DNAJC21: variants seen among roughly 807,000 people sequenced by gnomAD.
The protein encoded by DNAJC21 is DnaJ heat shock protein family (Hsp40) member C21, also known as dnaJ homolog subfamily C member 21.
A neutral mutation model predicts 72.4 loss-of-function variants in DNAJC21; 63 were observed. The observed-to-expected ratio is 0.87, with a 90% CI of 0.71 to 1.07. The LOEUF (loss-of-function observed/expected upper bound fraction) is 1.07. Among genes scored for constraint, DNAJC21 ranks in the 50% least tolerant of loss-of-function variants. The pLI, the probability that DNAJC21 is intolerant of heterozygous loss-of-function variation, is 0.00. For synonymous variants in DNAJC21, 203 were observed against 216.7 expected (o/e 0.94, Z 0.56); for missense variants, 634 against 644.8 (o/e 0.98, Z 0.18).
At chr5:34,934,139 T>C (rs1160892954) in intron 2 of DNAJC21, among the ~76,000 whole-genome samples, 1 of 152,204 alleles carries the variant, frequency 6.6e-6, no homozygotes, top group African/African-American at 2.4e-5. Flanking sequence ...TGATATTATA[T>C]AGTTTTAATT....
chr5:34,949,270 A>G (rs1291817337), intron 9 of DNAJC21, among the ~76,000 whole-genome samples: 3 of 152,110 alleles, frequency 2.0e-5, no homozygotes, highest in African/African-American at 7.2e-5. Context: ...AAACAACCAA[A>G]CAAAGCCAGA....
chr5:34,944,475 A>G (rs1448146979), intron 7 of DNAJC21, among the ~76,000 whole-genome samples: 2 of 152,252 alleles, frequency 1.3e-5, no homozygotes, highest in Non-Finnish European at 2.9e-5. Context: ...TGATTAAAAG[A>G]AAACAATGGC....
intron 9 of DNAJC21, among the ~76,000 whole-genome samples, chr5:34,946,053 T>A (rs1169275732): frequency 1.3e-5 from 2 of 152,174 alleles, no homozygotes; most frequent in African/African-American, 4.8e-5. Context: ...ATTCCCCTGG[T>A]ATGAATTAGC....
chr5:34,946,168 T>C (rs187304805), intron 9 of DNAJC21, among the ~76,000 whole-genome samples: 48 of 152,282 alleles, frequency 3.2e-4, no homozygotes, highest in African/African-American at 1.1e-3. Flanking sequence ...TGGTCATTTT[T>C]TTATCTCAGT....
rs1421332473 is a variant in DNAJC21 at position 34,958,844 on chromosome 5, T to C, written c.*4130T>C. On this transcript the variant is annotated 3_prime_UTR_variant, in exon 12 of 12. Transcript: ENST00000648817. ...ATATTTTCTGTTAGAATTTAAAAAT[T>C]ATGTTAAAAAAATAAGAAGAATGAC... The C allele has an allele frequency of 6.6e-6, 1 of 152,168 alleles. No homozygotes were observed. Among genetic ancestry groups the C allele is most frequent in the African/African-American group, 2.4e-5 (1 of 41,450 alleles). 9.4% of individuals were successfully genotyped at this position (152,168 alleles called of 1,614,324 possible).
At chr5:34,945,997 A>G (rs1434067996) in intron 9 of DNAJC21, among the ~76,000 whole-genome samples, 194 bp downstream of exon 9, 19 of 152,192 alleles carry the variant, frequency 1.2e-4, no homozygotes, top group Non-Finnish European at 1.5e-5. Context: ...ATGTAATAAC[A>G]AACTTAATTA....
At chr5:34,937,862 C>A (rs1330752170) in intron 5 of DNAJC21, among the ~76,000 whole-genome samples, 1 of 152,158 alleles carries the variant, frequency 6.6e-6, no homozygotes, top group African/African-American at 2.4e-5. Context: ...ATGGTGCGAT[C>A]TCGGCTCACT....
rs1017262229 is a variant in DNAJC21, at chr5:34,929,735, G to GCGCCGCCGC, written c.-75_-67dup. ...GGACTCCCGCCGGAGAGGACTGCCA[G>GCGCCGCCGC]CGCCGCCGCCGCCGCCGCTTCGGCC... On this transcript the variant is annotated 5_prime_UTR_variant, in exon 1 of 12. Coordinates refer to ENST00000648817, the MANE Select transcript of DNAJC21 (RefSeq NM_001012339.3). 1 of 620,638 alleles carries GCGCCGCCGC rather than the reference G, an allele frequency of 1.6e-6. No homozygotes were observed. Among genetic ancestry groups the GCGCCGCCGC allele is most frequent in the South Asian group, 6.9e-5 (1 of 14,394 alleles). 38.4% of individuals were successfully genotyped at this position (620,638 alleles called of 1,614,324 possible). A position where few individuals can be genotyped will look rare whatever the true frequency, so the allele number is the denominator to read the frequency against.
intron 6 of DNAJC21, 72 bp from the exon 7 acceptor site, chr5:34,941,024 C>A: frequency 2.4e-6 from 3 of 1,235,568 alleles, no homozygotes; most frequent in Non-Finnish European, 3.5e-6. Context: ...AATTTAATTT[C>A]TAATTTGTTA....
chr5:34,937,665 C>A, intron 5 of DNAJC21, 35 bp downstream of exon 5: 1 of 1,578,294 alleles, frequency 6.3e-7, no homozygotes, highest in Non-Finnish European at 8.6e-7. Context: ...TTCTCAGTAT[C>A]GGTGGGGGTC....
At chr5:34,931,119 G>A (rs574028581) in intron 1 of DNAJC21, among the ~76,000 whole-genome samples, 1 of 152,258 alleles carries the variant, frequency 6.6e-6, no homozygotes, top group African/African-American at 2.4e-5. Flanking sequence ...TGAAAAATAG[G>A]GATTATGAGA....
chr5:34,934,620 A>G (rs879357083), intron 2 of DNAJC21, among the ~76,000 whole-genome samples: 9 of 152,206 alleles, frequency 5.9e-5, no homozygotes, highest in Non-Finnish European at 1.2e-4. Flanking sequence ...GACAGATATT[A>G]CTAATGATGG....
intron 10 of DNAJC21, chr5:34,952,806 C>T (rs543382115): frequency 2.0e-5 from 3 of 152,234 alleles, no homozygotes; most frequent in South Asian, 4.2e-4. Context: ...TTGTTTCACT[C>T]ATTTCTCTGT....
intron 9 of DNAJC21, among the ~76,000 whole-genome samples, chr5:34,949,353 A>G (rs886930335): frequency 1.3e-5 from 2 of 152,204 alleles, no homozygotes; most frequent in Non-Finnish European, 2.9e-5. Flanking sequence ...GAGCTGCTCT[A>G]GAATAAAGGA....
rs1765120638 is a variant in DNAJC21 at position 34,944,877 on chromosome 5, C to T, written c.994C>T (p.His332Tyr). ...AGATTGCTCTTTCAGCATGAAGAATCACGAGAAGTCAAAGAAGCATCGGGA... is the reference window on the plus strand; with the variant it reads ...AGATTGCTCTTTCAGCATGAAGAATTACGAGAAGTCAAAGAAGCATCGGGA... Reference protein sequence around the residue: ...SFKTEKAMKNHEKSKKHREMV... With the variant: ...SFKTEKAMKNYEKSKKHREMV... The change falls in exon 8 of 12, where the codon CAC (histidine) becomes TAC (tyrosine). Residue 332 changes from histidine (H) to tyrosine (Y), a missense_variant. Coordinates refer to ENST00000648817, the MANE Select transcript of DNAJC21 (RefSeq NM_001012339.3). 2 of 1,614,048 alleles carry T rather than the reference C, an allele frequency of 1.2e-6. No homozygotes were observed. The highest frequency in any genetic ancestry group is 2.2e-5 in the East Asian group (1 of 44,882).
At chr5:34,952,134 T>TG in intron 10 of DNAJC21, 2 of 950,594 alleles carry the variant, frequency 2.1e-6, no homozygotes, top group South Asian at 4.8e-5. Flanking sequence ...TGTGTGTGTG[T>TG]GTGTGTGTGT....
chr5:34,941,062 A>G, intron 6 of DNAJC21, 34 bp from the exon 7 acceptor site: 1 of 1,554,090 alleles, frequency 6.4e-7, no homozygotes, highest in Non-Finnish European at 8.9e-7. Context: ...GCTCTGATCA[A>G]AGAGGGTTCT....
chr5:34,930,164 T>C (rs531021579), intron 1 of DNAJC21: 1 of 291,060 alleles, frequency 3.4e-6, no homozygotes, highest in African/African-American at 2.2e-5. Flanking sequence ...ATCGCCACTG[T>C]AGGGGGAAAA....
At position 34,958,613 on chromosome 5, in the gene DNAJC21, GA is replaced by G. The variant is rs1765599876; in HGVS notation, c.*3902del. 6.6e-6 allele frequency: 1 copy of G among 152,188 alleles called. No homozygotes were observed. The highest frequency in any genetic ancestry group is 6.5e-5 in the Admixed American group (1 of 15,276). The allele number at this position is 152,188 out of a possible 1,614,324, so 9.4% of individuals were successfully genotyped here. A position where few individuals can be genotyped will look rare whatever the true frequency, so the allele number is the denominator to read the frequency against. On this transcript the variant is annotated 3_prime_UTR_variant, in exon 12 of 12. Transcript: ENST00000648817. Reference sequence around the variant, plus strand: ...TGTAAAAGAACAAGCTACAGACAAGGAAATGTTTGCAATGCATGGAACTGTC... The same window carrying G: ...TGTAAAAGAACAAGCTACAGACAAGGAATGTTTGCAATGCATGGAACTGTC...
Sources: gnomAD v4.1 joint callset for allele counts (sites outside exome capture counted in the v4.1 genomes callset) on GRCh38, gnomAD v4.1.1 for gene constraint, MANE v1.5 for transcripts, NCBI Gene and HGNC (gene_info 2026-07-23, HGNC 2026-07-21) for gene names.